Variants in NIBAN2 observed in about 807,000 individuals in gnomAD.
NIBAN2 encodes the protein niban apoptosis regulator 2.
A neutral mutation model predicts 81.8 loss-of-function variants in NIBAN2; 36 were observed. The observed-to-expected ratio is 0.44, with a 90% CI of 0.34 to 0.58. The LOEUF is 0.58. Among genes scored for constraint, NIBAN2 ranks in the 20% least tolerant of loss-of-function variants. The pLI, the probability that NIBAN2 is intolerant of heterozygous loss-of-function variation, is 0.02. For synonymous variants in NIBAN2, 445 were observed against 441.6 expected (o/e 1.01, Z -0.10); for missense variants, 897 against 1,014.1 (o/e 0.88, Z 1.57).
intron 1 of NIBAN2, among the ~76,000 whole-genome samples, chr9:127,555,983 T>A (rs1208403704): frequency 1.3e-5 from 2 of 151,810 alleles, no homozygotes; most frequent in Non-Finnish European, 2.9e-5. Context: ...CTGACACACA[T>A]GGGGTCAGTG....
Position 127,507,895 on chromosome 9 carries a change from C to T in NIBAN2, c.1626G>A (p.Leu542=). ...GCAGGATGTCCTTCATGACGGTCTGCAGCACCACCTCCTCGTACGTGTTTT... is the reference window on the plus strand; with the variant it reads ...GCAGGATGTCCTTCATGACGGTCTGTAGCACCACCTCCTCGTACGTGTTTT... ...LVENTYEEVV[L]QTVMKDILQA... Residue 542 remains leucine (L), a synonymous_variant, in exon 13 of 14, where the codon CTG becomes CTA. Coordinates refer to ENST00000373312, the MANE Select transcript of NIBAN2 (RefSeq NM_022833.4). This position sits in a 1 kb window ranked among gnomAD's most constrained non-coding sequence, Gnocchi z 6.8. The T allele has an allele frequency of 6.2e-7, 1 of 1,614,180 alleles. No homozygotes were observed. Among genetic ancestry groups the T allele is most frequent in the East Asian group, 2.2e-5 (1 of 44,884 alleles).
intron 1 of NIBAN2, among the ~76,000 whole-genome samples, chr9:127,543,420 C>T (rs576001807): frequency 2.2e-4 from 33 of 152,286 alleles, no homozygotes; most frequent in African/African-American, 7.9e-4. Context: ...AAAATCCAAG[C>T]TGGGGTGTGA....
intron 1 of NIBAN2, among the ~76,000 whole-genome samples, chr9:127,576,102 C>T (rs1426577432): frequency 6.6e-6 from 1 of 152,220 alleles, no homozygotes; most frequent in Non-Finnish European, 1.5e-5. Flanking sequence ...CATGACATCA[C>T]TAGCGTCAGT....
At position 127,507,232 on chromosome 9, in the gene NIBAN2, G is replaced by A. The variant is rs376560941; in HGVS notation, c.1854C>T (p.Arg618=). The A allele has an allele frequency of 1.3e-5, 21 of 1,611,494 alleles. No homozygotes were observed. Among genetic ancestry groups the A allele is most frequent in the African/African-American group, 6.7e-5 (5 of 74,832 alleles). Residue 618 remains arginine, a synonymous_variant, in exon 14 of 14, where the codon CGC becomes CGT. Transcript: ENST00000373312. This position sits in a 1 kb window ranked among gnomAD's most constrained non-coding sequence, Gnocchi z 6.8. ...GGACCACAGAGACCACCTGCTTGGCGCGCCGTCGCTTTTCCGAGAGGGTGG... is the reference window on the plus strand; with the variant it reads ...GGACCACAGAGACCACCTGCTTGGCACGCCGTCGCTTTTCCGAGAGGGTGG... ...ESATLSEKRR[R]AKQVVSVVQD...
At chr9:127,535,874 A>G (rs183610975) in intron 1 of NIBAN2, among the ~76,000 whole-genome samples, 1 of 151,996 alleles carries the variant, frequency 6.6e-6, no homozygotes, top group African/African-American at 2.4e-5. Context: ...GCAGCCAAAT[A>G]GTTACTAAGT....
Position 127,512,287 on chromosome 9 carries a change from AT to A in NIBAN2, c.974-1955del, listed in dbSNP as rs3053049. Among the ~76,000 whole-genome samples, 543 of 140,144 alleles carry A rather than the reference AT, an allele frequency of 3.9e-3. 2 individuals carry two copies. The highest frequency in any genetic ancestry group is 0.012 in the African/African-American group (433 of 37,296). The allele number at this position is 140,144 out of a possible 152,430, so 91.9% of individuals were successfully genotyped here. A position where few individuals can be genotyped will look rare whatever the true frequency, so the allele number is the denominator to read the frequency against. ...CCGGACTGAACCATGTTCATTTTAC[AT>A]TTTTTTTTTTTTTTTGAGACAGGGT... On this transcript the variant is annotated intron_variant, in intron 8 of 13. Transcript: ENST00000373312.
intron 3 of NIBAN2, among the ~76,000 whole-genome samples, 153 bp downstream of exon 3, chr9:127,527,041 G>C (rs1837080318): frequency 6.6e-6 from 1 of 152,166 alleles, no homozygotes; most frequent in South Asian, 2.1e-4. Context: ...AGCCCAGTTT[G>C]GGGGAGGGGA....
chr9:127,508,473 G>C lies in NIBAN2; in HGVS notation c.1383C>G (p.Thr461=). 6.2e-7 allele frequency: 1 copy of C among 1,613,802 alleles called. No individual in the cohort carries two copies. Among genetic ancestry groups the C allele is most frequent in the South Asian group, 1.1e-5 (1 of 91,080 alleles). ...GGATGGACTTGCACAGCTCCTCCTTGGTGGGCCCCTTCCCCAGCTCCTGGT... is the reference window on the plus strand; with the variant it reads ...GGATGGACTTGCACAGCTCCTCCTTCGTGGGCCCCTTCCCCAGCTCCTGGT... ...LLHQELGKGP[T]KEELCKSIQR... The change falls in exon 11 of 14, where the codon ACC becomes ACG. Residue 461 remains threonine (T), a synonymous_variant. Transcript: ENST00000373312. The surrounding 1 kb of genome is among the most constrained non-coding windows in gnomAD (Gnocchi z 6.4).
In NIBAN2 at chr9:127,523,022, A is replaced by G. The variant is rs185312741; in HGVS notation, c.589+657T>C. On this transcript the variant is annotated intron_variant, in intron 5 of 13. Coordinates refer to ENST00000373312, the MANE Select transcript of NIBAN2 (RefSeq NM_022833.4). Reference sequence around the variant, plus strand: ...CCCTTGTTGCACACCCAGTGCCTAAATCTGGGCCTCCTCAGAGTAGACACT... The same window carrying G: ...CCCTTGTTGCACACCCAGTGCCTAAGTCTGGGCCTCCTCAGAGTAGACACT... Among the ~76,000 whole-genome samples the G allele has an allele frequency of 2.6e-3, 395 of 151,396 alleles. 4 individuals carry two copies. Among genetic ancestry groups the G allele is most frequent in the African/African-American group, 9.2e-3 (380 of 41,240 alleles).
At chr9:127,514,704 G>T (rs1836793556) in intron 8 of NIBAN2, among the ~76,000 whole-genome samples, 1 of 152,204 alleles carries the variant, frequency 6.6e-6, no homozygotes, top group East Asian at 1.9e-4. Context: ...TCCTTTGGGT[G>T]GGGACCATCT....
intron 1 of NIBAN2, among the ~76,000 whole-genome samples, chr9:127,547,874 T>G (rs755714210): frequency 2.6e-5 from 4 of 152,074 alleles, no homozygotes; most frequent in African/African-American, 4.8e-5. Flanking sequence ...CCCAGCAACT[T>G]TACGATCCCC....
rs117378622 is a variant in NIBAN2, at chr9:127,522,690, C to T, written c.589+989G>A. Among the ~76,000 whole-genome samples, 1,033 of 152,104 alleles carry T rather than the reference C, an allele frequency of 6.8e-3. 4 individuals are homozygous for T. Among genetic ancestry groups the T allele is most frequent in the South Asian group, 0.012 (57 of 4,820 alleles). ...GGTCTCCCTTCATGCTGACTGCCTA[C>T]CTCTGCCTGGAACACTCCTCCCCTC... On this transcript the variant is annotated intron_variant, in intron 5 of 13. Coordinates refer to ENST00000373312, the MANE Select transcript of NIBAN2 (RefSeq NM_022833.4).
chr9:127,554,547 T>C (rs1182103443), intron 1 of NIBAN2, among the ~76,000 whole-genome samples: 1 of 111,736 alleles, frequency 8.9e-6, no homozygotes, highest in African/African-American at 4.0e-5. Context: ...TTTTTCTTTT[T>C]CTTTTTTTTT....
chr9:127,558,540 G>A (rs1369470529), intron 1 of NIBAN2, among the ~76,000 whole-genome samples: 1 of 152,088 alleles, frequency 6.6e-6, no homozygotes, highest in Non-Finnish European at 1.5e-5. Flanking sequence ...AAGGGTCTGG[G>A]CCTGAAAAAG....
chr9:127,553,296 A>G (rs1303439192), intron 1 of NIBAN2, among the ~76,000 whole-genome samples: 1 of 152,244 alleles, frequency 6.6e-6, no homozygotes, highest in Non-Finnish European at 1.5e-5. Context: ...AGATGCTGCC[A>G]GGTGGGAGCC....
chr9:127,521,782 C>T (rs1213195124), intron 5 of NIBAN2, among the ~76,000 whole-genome samples: 1 of 152,204 alleles, frequency 6.6e-6, no homozygotes, highest in Non-Finnish European at 1.5e-5. Flanking sequence ...TCCTGGGCCT[C>T]CCTCTGGTCC....
chr9:127,523,531 C>G, intron 5 of NIBAN2, 148 bp downstream of exon 5: 1 of 692,938 alleles, frequency 1.4e-6, no homozygotes, highest in Non-Finnish European at 2.3e-6. Context: ...GGTGGTATTA[C>G]ATGGTTTCTT....
rs773004417 is a variant in NIBAN2 at position 127,517,243 on chromosome 9, C to T, written c.706-27G>A. The T allele has an allele frequency of 1.2e-6, 2 of 1,602,966 alleles. No homozygotes were observed. Among genetic ancestry groups the T allele is most frequent in the South Asian group, 1.1e-5 (1 of 90,526 alleles). On this transcript the variant is annotated intron_variant, in intron 6 of 13. Transcript: ENST00000373312. This position sits in a 1 kb window ranked among gnomAD's most constrained non-coding sequence, Gnocchi z 4.0. ...TAGGTTGAGGAGGCACAAGCCAGGCCAGGGGCTGGAGAGCGCTCAGCTGGC... is the reference window on the plus strand; with the variant it reads ...TAGGTTGAGGAGGCACAAGCCAGGCTAGGGGCTGGAGAGCGCTCAGCTGGC...
intron 8 of NIBAN2, among the ~76,000 whole-genome samples, chr9:127,516,311 C>A (rs1836828757): frequency 6.6e-6 from 1 of 152,050 alleles, no homozygotes; most frequent in Non-Finnish European, 1.5e-5. Context: ...CTTTGGGAGG[C>A]CAAGGTGAGC....
Sources: allele counts gnomAD v4.1 joint callset (sites outside exome capture counted in the v4.1 genomes callset), GRCh38; gene constraint gnomAD v4.1.1; non-coding constraint Gnocchi (gnomAD v3.1); transcripts MANE v1.5; gene names NCBI Gene and HGNC (gene_info 2026-07-23, HGNC 2026-07-21).